The following CREB1 variants were observed in gnomAD, a reference collection of about 807,000 sequenced individuals.
CREB1 encodes the protein cAMP responsive element binding protein 1.
CREB1 carries 2 observed loss-of-function variants against 42.0 expected under a neutral mutation model. That is an observed-to-expected ratio of 0.05 (90% CI 0.02 to 0.15). The LOEUF is 0.15. Ranked by LOEUF, CREB1 falls within the 10% of genes least tolerant of loss-of-function variation. The pLI, the probability that CREB1 is intolerant of heterozygous loss-of-function variation, is 1.00. For synonymous variants in CREB1, 123 were observed against 139.9 expected (o/e 0.88, Z 0.85); for missense variants, 199 against 388.9 (o/e 0.51, Z 4.11).
intron 7 of CREB1, among the ~76,000 whole-genome samples, chr2:207,592,472 T>A (rs1444579145): frequency 6.6e-6 from 1 of 152,072 alleles, no homozygotes; most frequent in Non-Finnish European, 1.5e-5. Flanking sequence ...AATCTGTGTG[T>A]ATATAATGCT....
intron 2 of CREB1, among the ~76,000 whole-genome samples, chr2:207,557,250 C>T (rs370354087): frequency 3.9e-5 from 6 of 152,146 alleles, no homozygotes; most frequent in African/African-American, 1.4e-4. Context: ...CCAGAGTAGG[C>T]TGTATTGTGT....
chr2:207,591,352 T>G (rs1482666365), intron 7 of CREB1, among the ~76,000 whole-genome samples: 2 of 152,246 alleles, frequency 1.3e-5, no homozygotes, highest in African/African-American at 2.4e-5. Flanking sequence ...TATAATGTCT[T>G]TCTTTATCCC....
chr2:207,540,362 C>T (rs1185677681), intron 1 of CREB1, among the ~76,000 whole-genome samples: 1 of 151,698 alleles, frequency 6.6e-6, no homozygotes, highest in Non-Finnish European at 1.5e-5. Context: ...AAAAAGTGGC[C>T]GGGAATGGTG....
rs929513269 is a variant in CREB1, at chr2:207,601,405, A to C, written c.*4347A>C. 1.0e-4 allele frequency: 19 copies of C among 187,618 alleles called. 1 individual carries two copies. 11.6% of individuals were successfully genotyped at this position (187,618 alleles called of 1,614,324 possible). ...TTGATTAAAATATTTTAGCACCTAA[A>C]AGCTAGCCTTAAAAACAGCTGTAAA... On this transcript the variant is annotated 3_prime_UTR_variant, in exon 8 of 8. Transcript: ENST00000353267.
At chr2:207,566,873 T>C (rs959090412) in intron 3 of CREB1, among the ~76,000 whole-genome samples, 1 of 152,190 alleles carries the variant, frequency 6.6e-6, no homozygotes, top group Non-Finnish European at 1.5e-5. Context: ...TCATTACTTT[T>C]CAGTCTAGGT....
intron 1 of CREB1, among the ~76,000 whole-genome samples, chr2:207,539,427 C>T (rs192920293): frequency 1.2e-4 from 18 of 152,076 alleles, no homozygotes; most frequent in African/African-American, 3.9e-4. Flanking sequence ...ATGGTGACAC[C>T]TTGACTTTAT....
At chr2:207,565,723 CACAGAA>C (rs2082117515) in intron 3 of CREB1, among the ~76,000 whole-genome samples, 1 of 151,926 alleles carries the variant, frequency 6.6e-6, no homozygotes, top group Non-Finnish European at 1.5e-5. Context: ...AAGCAGTGGA[CACAGAA>C]AGAGCCACAG....
In CREB1 at chr2:207,575,461, G is replaced by GTGTGGTA; in HGVS notation, c.688+7_688+8insTGTGGTA. 6.3e-7 allele frequency: 1 copy of GTGTGGTA among 1,595,422 alleles called. No individual in the cohort carries two copies. Among genetic ancestry groups the GTGTGGTA allele is most frequent in the South Asian group, 1.1e-5 (1 of 89,124 alleles). ...AACCAAGTTGTTGTTCAAGGTAAGG[G>GTGTGGTA]AATTCAGAATTCACAGGTGTGGTAA... On this transcript the variant is annotated splice_region_variant and intron_variant, in intron 6 of 7. Coordinates refer to ENST00000353267, the MANE Select transcript of CREB1 (RefSeq NM_004379.5).
At chr2:207,534,793 C>A (rs1266238655) in intron 1 of CREB1, 1 of 152,160 alleles carries the variant, frequency 6.6e-6, no homozygotes, top group Non-Finnish European at 1.5e-5. Flanking sequence ...CATTCTCTTG[C>A]CCTATTACCT....
intron 5 of CREB1, among the ~76,000 whole-genome samples, chr2:207,574,836 T>C (rs889445802): frequency 3.3e-5 from 5 of 152,212 alleles, no homozygotes; most frequent in African/African-American, 1.2e-4. Flanking sequence ...ATTGGGTGCC[T>C]ATTTCATGGC....
At chr2:207,553,498 A>G (rs978945616) in intron 1 of CREB1, among the ~76,000 whole-genome samples, 4 of 150,516 alleles carry the variant, frequency 2.7e-5, no homozygotes, top group Non-Finnish European at 5.9e-5. Flanking sequence ...ATTATTTGAT[A>G]ATAACCAGAG....
chr2:207,577,345 G>A (rs2082634621), intron 6 of CREB1, 160 bp from the exon 7 acceptor site: 6 of 1,074,946 alleles, frequency 5.6e-6, no homozygotes, highest in Non-Finnish European at 7.8e-6. Flanking sequence ...CTTAGTAGTG[G>A]CGCGAAGAGT....
intron 7 of CREB1, among the ~76,000 whole-genome samples, chr2:207,595,711 T>C (rs535737740): frequency 6.6e-6 from 1 of 152,186 alleles, no homozygotes; most frequent in South Asian, 2.1e-4. Flanking sequence ...ACTACAGGCA[T>C]GTGCCACCAC....
chr2:207,538,261 C>T (rs2080954531), intron 1 of CREB1, among the ~76,000 whole-genome samples: 1 of 151,850 alleles, frequency 6.6e-6, no homozygotes, highest in Admixed American at 6.6e-5. Flanking sequence ...GGCGTTTATT[C>T]CAACAGATGA....
At position 207,601,265 on chromosome 2, in the gene CREB1, A is replaced by T. The variant is rs958532789; in HGVS notation, c.*4207A>T. ...TGTTTGGTGTAACTTGCACTTTTTT[A>T]AATGACCCAGTTTGGGTATTAGCAA... On this transcript the variant is annotated 3_prime_UTR_variant, in exon 8 of 8. Transcript: ENST00000353267. The T allele has an allele frequency of 1.2e-4, 22 of 185,566 alleles. No individual in the cohort carries two copies. The highest frequency in any genetic ancestry group is 4.4e-4 in the Admixed American group (7 of 16,072). 11.5% of individuals were successfully genotyped at this position (185,566 alleles called of 1,614,324 possible).
At chr2:207,592,682 A>G (rs564280844) in intron 7 of CREB1, among the ~76,000 whole-genome samples, 1 of 152,188 alleles carries the variant, frequency 6.6e-6, no homozygotes, top group South Asian at 2.1e-4. Flanking sequence ...GCACTTTGGG[A>G]GACCAAGGCA....
intron 1 of CREB1, among the ~76,000 whole-genome samples, chr2:207,546,271 C>A (rs918717203): frequency 3.3e-5 from 5 of 152,122 alleles, no homozygotes; most frequent in African/African-American, 1.2e-4. Flanking sequence ...TTGATTCTTT[C>A]AAGATTAAAG....
chr2:207,601,302 C>G lies in CREB1; in HGVS notation c.*4244C>G, dbSNP rs2087011393. On this transcript the variant is annotated 3_prime_UTR_variant, in exon 8 of 8. Coordinates refer to ENST00000353267, the MANE Select transcript of CREB1 (RefSeq NM_004379.5). The stretch of plus-strand genomic sequence containing the variant: ...TTGGGTATTAGCAACTTAAGAAATT[C>G]CCTCATCAAGTAATTCTCAACTTTT... The G allele has an allele frequency of 5.4e-6, 1 of 185,322 alleles. No homozygotes were observed. Among genetic ancestry groups the G allele is most frequent in the South Asian group, 2.0e-4 (1 of 5,104 alleles). The allele number at this position is 185,322 out of a possible 1,614,324, so 11.5% of individuals were successfully genotyped here.
In CREB1 at chr2:207,603,530, A is replaced by G. The variant is rs2087496771; in HGVS notation, c.*6472A>G. The G allele has an allele frequency of 8.9e-6, 2 of 224,496 alleles. No individual in the cohort carries two copies. Among genetic ancestry groups the G allele is most frequent in the East Asian group, 6.5e-5 (1 of 15,446 alleles). The allele number at this position is 224,496 out of a possible 1,614,324, so 13.9% of individuals were successfully genotyped here. A position where few individuals can be genotyped will look rare whatever the true frequency, so the allele number is the denominator to read the frequency against. On this transcript the variant is annotated 3_prime_UTR_variant, in exon 8 of 8. Transcript: ENST00000353267. Reference sequence around the variant, plus strand: ...TTTATTGGACTTAAAGTTACAATATATTACAAGCTTGTGTTGGAAGGCAGC... The same window carrying G: ...TTTATTGGACTTAAAGTTACAATATGTTACAAGCTTGTGTTGGAAGGCAGC...
Sources: allele counts gnomAD v4.1 joint callset (sites outside exome capture counted in the v4.1 genomes callset), GRCh38; gene constraint gnomAD v4.1.1; transcripts MANE v1.5; gene names NCBI Gene and HGNC (gene_info 2026-07-23, HGNC 2026-07-21).